The following CACNA1B variants were observed in gnomAD, a reference collection of about 807,000 sequenced individuals.
The protein encoded by CACNA1B is calcium voltage-gated channel subunit alpha1 B.
CACNA1B carries 70 observed loss-of-function variants against 247.2 expected under a neutral mutation model. That is an observed-to-expected ratio of 0.28 (90% CI 0.23 to 0.35). The LOEUF is 0.35. Among genes scored for constraint, CACNA1B ranks in the 10% least tolerant of loss-of-function variants. CACNA1B has a pLI of 1.00. For missense variants in CACNA1B, 2,367 were observed against 3,197.4 expected (o/e 0.74, Z 6.26); for synonymous variants, 1,231 against 1,294.4 (o/e 0.95, Z 1.05).
At chr9:138,031,954 T>C (rs1958992482) in intron 20 of CACNA1B, among the ~76,000 whole-genome samples, 1 of 144,056 alleles carries the variant, frequency 6.9e-6, no homozygotes, top group Admixed American at 6.8e-5. Flanking sequence ...CTGTCAATTC[T>C]GTCTTTTATT....
intron 12 of CACNA1B, among the ~76,000 whole-genome samples, chr9:137,977,505 T>G (rs1431375931): frequency 6.7e-6 from 1 of 149,854 alleles, no homozygotes; most frequent in African/African-American, 2.5e-5. Flanking sequence ...TTGGAGGCAG[T>G]GTGTTTCACA....
chr9:138,096,787 C>T (rs1961070517), intron 37 of CACNA1B, among the ~76,000 whole-genome samples, 176 bp downstream of exon 37: 1 of 147,938 alleles, frequency 6.8e-6, no homozygotes, highest in African/African-American at 2.5e-5. Flanking sequence ...CCGAGCAGCA[C>T]CTCCCTTTTC....
In CACNA1B at chr9:138,102,020, C is replaced by A. The variant is rs532975283; in HGVS notation, c.5223-691C>A. Among the ~76,000 whole-genome samples, 6 of 152,184 alleles carry A rather than the reference C, an allele frequency of 3.9e-5. No homozygotes were observed. Among genetic ancestry groups the A allele is most frequent in the Non-Finnish European group, 5.9e-5 (4 of 68,014 alleles). On this transcript the variant is annotated intron_variant, in intron 37 of 46. Transcript: ENST00000371372. The surrounding 1 kb of genome is among the most constrained non-coding windows in gnomAD (Gnocchi z 5.4). ...AGGCCATGTCCTGCCAGCTCCTCCC[C>A]CCTCCCGCAGTCTCCCATTTCCCAC...
chr9:137,953,609 G>A (rs187264210), intron 7 of CACNA1B, among the ~76,000 whole-genome samples: 1 of 152,210 alleles, frequency 6.6e-6, no homozygotes, highest in Non-Finnish European at 1.5e-5. Flanking sequence ...GGGGTAGCTG[G>A]CGGAGGCTTG....
intron 6 of CACNA1B, among the ~76,000 whole-genome samples, chr9:137,930,366 G>C (rs571616541): frequency 6.6e-6 from 1 of 152,064 alleles, no homozygotes; most frequent in South Asian, 2.1e-4. Flanking sequence ...TTATTATATA[G>C]AACTGTCTTG....
At chr9:138,039,211 TAAAA>T (rs558845760) in intron 20 of CACNA1B, among the ~76,000 whole-genome samples, 20 of 142,620 alleles carry the variant, frequency 1.4e-4, no homozygotes, top group Non-Finnish European at 2.2e-4. Context: ...AAATAAAAAA[TAAAA>T]AAAAAAAGAG....
rs114109584 is a variant in CACNA1B, at chr9:137,998,105, G to A, written c.1975-8662G>A. Among the ~76,000 whole-genome samples, 1,511 of 152,254 alleles carry A rather than the reference G, an allele frequency of 9.9e-3. 30 individuals are homozygous for A. The highest frequency in any genetic ancestry group is 0.034 in the African/African-American group (1,405 of 41,534). Reference sequence around the variant, plus strand: ...AAATTCAGGACACAGTTTTCCTGGTGGTGGGGTGGGGGTTGCTGGGAGGTG... The same window carrying A: ...AAATTCAGGACACAGTTTTCCTGGTAGTGGGGTGGGGGTTGCTGGGAGGTG... On this transcript the variant is annotated intron_variant, in intron 15 of 46. Transcript: ENST00000371372.
intron 20 of CACNA1B, among the ~76,000 whole-genome samples, chr9:138,038,404 C>T (rs1230191809): frequency 3.3e-5 from 5 of 152,210 alleles, no homozygotes; most frequent in Non-Finnish European, 7.3e-5. Context: ...TGGACACTGC[C>T]GTGATTCCTG....
intron 1 of CACNA1B, among the ~76,000 whole-genome samples, chr9:137,878,683 T>A (rs950229705): frequency 1.1e-4 from 17 of 152,230 alleles, no homozygotes; most frequent in Admixed American, 8.5e-4. Flanking sequence ...GCTGCGTGTC[T>A]GGAGGGAGCA....
chr9:138,076,153 G>A (rs1264829365), intron 35 of CACNA1B, among the ~76,000 whole-genome samples: 1 of 152,170 alleles, frequency 6.6e-6, no homozygotes, highest in Non-Finnish European at 1.5e-5. Context: ...AGATCATCCT[G>A]GGAGCCCTGG....
Position 138,057,256 on chromosome 9 carries a change from G to GT in CACNA1B, c.3969-474dup, listed in dbSNP as rs1248194795. ...CCGGCCTTTTTTATTTATTAGAATA[G>GT]TTATTTACATATTCTAAATACAACT... is the stretch of plus-strand genomic sequence containing the variant. On this transcript the variant is annotated intron_variant, in intron 26 of 46. Transcript: ENST00000371372. This position sits in a 1 kb window ranked among gnomAD's most constrained non-coding sequence, Gnocchi z 4.0. 2.0e-5 allele frequency among the ~76,000 whole-genome samples: 3 copies of GT among 152,126 alleles called. No homozygotes were observed. In the South Asian group the frequency reaches 6.2e-4, roughly 32 times the overall value.
chr9:137,970,957 G>A (rs545976821), intron 10 of CACNA1B, among the ~76,000 whole-genome samples: 3 of 152,344 alleles, frequency 2.0e-5, no homozygotes, highest in African/African-American at 7.2e-5. Flanking sequence ...AGTCCGGAGG[G>A]CGAGAGAGGG....
Position 137,973,206 on chromosome 9 carries a change from G to A in CACNA1B, c.1543+1614G>A, listed in dbSNP as rs979279989. 6.6e-6 allele frequency among the ~76,000 whole-genome samples: 1 copy of A among 152,200 alleles called. No homozygotes were observed. The highest frequency in any genetic ancestry group is 2.1e-4 in the South Asian group (1 of 4,828). The stretch of plus-strand genomic sequence containing the variant: ...CCACAGGCATCCCTGACCGTAGACC[G>A]CTACTGTGTCTTCTCTGTGGTTTCC... On this transcript the variant is annotated intron_variant, in intron 11 of 46. Coordinates refer to ENST00000371372, the MANE Select transcript of CACNA1B (RefSeq NM_000718.4). The surrounding 1 kb of genome is among the most constrained non-coding windows in gnomAD (Gnocchi z 4.1).
rs200888077 is a variant in CACNA1B at position 138,123,637 on chromosome 9, G to A, written c.*1638G>A. The A allele has an allele frequency of 6.6e-6, 1 of 151,788 alleles. No individual in the cohort carries two copies. The highest frequency in any genetic ancestry group is 1.5e-5 in the Non-Finnish European group (1 of 68,004). 9.4% of individuals were successfully genotyped at this position (151,788 alleles called of 1,614,324 possible). A position where few individuals can be genotyped will look rare whatever the true frequency, so the allele number is the denominator to read the frequency against. On this transcript the variant is annotated 3_prime_UTR_variant, in exon 47 of 47. Transcript: ENST00000371372. ...CCTGTACAGGTGTGTTCAGTGTGTGGATGTCATTAACCCATAGGGCTATGC... is the reference window on the plus strand; with the variant it reads ...CCTGTACAGGTGTGTTCAGTGTGTGAATGTCATTAACCCATAGGGCTATGC...
intron 36 of CACNA1B, among the ~76,000 whole-genome samples, chr9:138,093,026 A>C (rs1960929938): frequency 6.6e-6 from 1 of 152,220 alleles, no homozygotes. Context: ...AAAAATATTC[A>C]ACATCACTAA....
intron 20 of CACNA1B, among the ~76,000 whole-genome samples, chr9:138,028,324 C>T (rs961720290): frequency 3.3e-5 from 5 of 152,012 alleles, no homozygotes; most frequent in Non-Finnish European, 7.4e-5. Context: ...TGCCTGGCCC[C>T]ATTATTTTAA....
At position 137,914,872 on chromosome 9, in the gene CACNA1B, A is replaced by G; in HGVS notation, c.775+66A>G. The G allele has an allele frequency of 1.3e-6, 2 of 1,580,420 alleles. No homozygotes were observed. The highest frequency in any genetic ancestry group is 2.4e-5 in the South Asian group (2 of 84,832). On this transcript the variant is annotated intron_variant, in intron 5 of 46. Coordinates refer to ENST00000371372, the MANE Select transcript of CACNA1B (RefSeq NM_000718.4). This position sits in a 1 kb window ranked among gnomAD's most constrained non-coding sequence, Gnocchi z 4.3. Reference sequence around the variant, plus strand: ...GGATGCGTTCATCCAGGAGATGGGCACTGTTCTAGGTGCTAGAGGGGCCTT... The same window carrying G: ...GGATGCGTTCATCCAGGAGATGGGCGCTGTTCTAGGTGCTAGAGGGGCCTT...
At chr9:137,916,101 C>T (rs377072561) in intron 5 of CACNA1B, among the ~76,000 whole-genome samples, 405 of 148,060 alleles carry the variant, frequency 2.7e-3, no homozygotes, top group African/African-American at 8.9e-3. Context: ...GGTGCAATCT[C>T]GGCTCGCTGC....
At chr9:138,003,605 C>T (rs1381520909) in intron 15 of CACNA1B, among the ~76,000 whole-genome samples, 4 of 151,722 alleles carry the variant, frequency 2.6e-5, no homozygotes, top group Admixed American at 6.6e-5. Context: ...AAGATATTTA[C>T]AATAGATAAT....
Sources: gnomAD v4.1 joint callset for allele counts (sites outside exome capture counted in the v4.1 genomes callset) on GRCh38, gnomAD v4.1.1 for gene constraint, Gnocchi (gnomAD v3.1) non-coding constraint, MANE v1.5 for transcripts, NCBI Gene and HGNC (gene_info 2026-07-23, HGNC 2026-07-21) for gene names.